ARPP21: variants seen among roughly 807,000 people sequenced by gnomAD.
The protein encoded by ARPP21 is cAMP-regulated phosphoprotein 21.
In ARPP21, 69 loss-of-function variants were observed where a neutral mutation model predicts 113.2. The observed-to-expected ratio is 0.61, with a 90% CI of 0.50 to 0.74. The LOEUF (loss-of-function observed/expected upper bound fraction) is 0.74. Among genes scored for constraint, ARPP21 ranks in the 30% least tolerant of loss-of-function variants. The probability of loss-of-function intolerance (pLI) is 0.00; values close to 1 mark genes in which losing one functional copy is unlikely to be tolerated. For missense variants in ARPP21, 1,070 were observed against 1,037.4 expected (o/e 1.03, Z -0.43); for synonymous variants, 368 against 375.5 (o/e 0.98, Z 0.23).
intron 13 of ARPP21, among the ~76,000 whole-genome samples, chr3:35,718,844 A>G (rs2092747183): frequency 6.6e-6 from 1 of 151,714 alleles, no homozygotes; most frequent in Non-Finnish European, 1.5e-5. Context: ...CTCCAATGAC[A>G]GATATCTCAT....
chr3:35,749,838 A>G (rs929200276), intron 19 of ARPP21, among the ~76,000 whole-genome samples: 1 of 152,106 alleles, frequency 6.6e-6, no homozygotes, highest in African/African-American at 2.4e-5. Flanking sequence ...GGCTGAATTT[A>G]AGAGTATAAA....
intron 19 of ARPP21, among the ~76,000 whole-genome samples, chr3:35,761,567 AAAAC>A (rs1198609787): frequency 6.6e-6 from 1 of 152,106 alleles, no homozygotes; most frequent in Non-Finnish European, 1.5e-5. Context: ...TGTTGCTAAA[AAAAC>A]AAACAAACAA....
chr3:35,700,376 T>A (rs550595752), intron 9 of ARPP21, among the ~76,000 whole-genome samples: 109 of 151,852 alleles, frequency 7.2e-4, no homozygotes, highest in Middle Eastern at 3.4e-3. Flanking sequence ...TTATGCCCAT[T>A]TTATATAAAG....
chr3:35,683,478 A>G (rs1355198959), intron 4 of ARPP21, among the ~76,000 whole-genome samples: 1 of 150,998 alleles, frequency 6.6e-6, no homozygotes, highest in Non-Finnish European at 1.5e-5. Flanking sequence ...AATGTGATGC[A>G]CACAATTTAC....
chr3:35,680,171 A>C (rs892398643), intron 2 of ARPP21, among the ~76,000 whole-genome samples: 8 of 151,856 alleles, frequency 5.3e-5, no homozygotes, highest in Admixed American at 3.3e-4. Flanking sequence ...TAAATACTCT[A>C]AAAAACAAGT....
At chr3:35,782,250 C>G (rs374492310) in intron 19 of ARPP21, among the ~76,000 whole-genome samples, 3 of 152,222 alleles carry the variant, frequency 2.0e-5, no homozygotes, top group East Asian at 3.9e-4. Flanking sequence ...TCCTATCAAC[C>G]GATCCTGTCA....
At chr3:35,711,869 G>A (rs1001360692) in intron 11 of ARPP21, among the ~76,000 whole-genome samples, 2 of 152,190 alleles carry the variant, frequency 1.3e-5, no homozygotes, top group African/African-American at 4.8e-5. Context: ...GCCCAAGATG[G>A]AAGAAGCCAC....
At position 35,790,317 on chromosome 3, in the gene ARPP21, G is replaced by T. The variant is rs188434091; in HGVS notation, c.2138-2065G>T. Among the ~76,000 whole-genome samples the T allele has an allele frequency of 5.3e-5, 8 of 152,234 alleles. No homozygotes were observed. The East Asian group carries it at 1.5e-3, about 29-fold the overall frequency. On this transcript the variant is annotated intron_variant, in intron 19 of 20. Coordinates refer to ENST00000684406, the MANE Select transcript of ARPP21 (RefSeq NM_001385562.1). ...AACTAAATCAGAAGGAAATCTGTTG[G>T]TTATAAGTTTTCTATGATCATCCCA...
chr3:35,738,774 T>G (rs1450982655), intron 17 of ARPP21, among the ~76,000 whole-genome samples: 1 of 152,170 alleles, frequency 6.6e-6, no homozygotes, highest in African/African-American at 2.4e-5. Context: ...AGCAACAGCT[T>G]AAAGGATGAA....
Position 35,695,281 on chromosome 3 carries a change from T to C in ARPP21, c.686+4276T>C, listed in dbSNP as rs867403333. On this transcript the variant is annotated intron_variant, in intron 9 of 20. Coordinates refer to ENST00000684406, the MANE Select transcript of ARPP21 (RefSeq NM_001385562.1). ...TTCCAGGTTTCTGTAAATTACCTGA[T>C]AAGAGCAGAGATGTTATGTTTTTGC... Among the ~76,000 whole-genome samples, 11 of 151,662 alleles carry C rather than the reference T, an allele frequency of 7.3e-5. No homozygotes were observed. The Middle Eastern group carries it at 0.01, about 141-fold the overall frequency.
Position 35,794,068 on chromosome 3 carries a change from G to C in ARPP21, c.*110G>C, listed in dbSNP as rs1243963679. 1.1e-6 allele frequency: 1 copy of C among 916,814 alleles called. No homozygotes were observed. The highest frequency in any genetic ancestry group is 2.4e-5 in the Admixed American group (1 of 42,392). The allele number at this position is 916,814 out of a possible 1,614,324, so 56.8% of individuals were successfully genotyped here. On this transcript the variant is annotated 3_prime_UTR_variant, in exon 21 of 21. Coordinates refer to ENST00000684406, the MANE Select transcript of ARPP21 (RefSeq NM_001385562.1). Reference sequence around the variant, plus strand: ...TTAAGTATTCACTCAACACTCAAATGATTGCTGCTGGTATTCTGTAAAAAA... The same window carrying C: ...TTAAGTATTCACTCAACACTCAAATCATTGCTGCTGGTATTCTGTAAAAAA...
At chr3:35,707,132 G>A in intron 10 of ARPP21, 50 bp downstream of exon 10, 2 of 1,386,600 alleles carry the variant, frequency 1.4e-6, no homozygotes, top group Non-Finnish European at 1.0e-6. Flanking sequence ...TTGAAGGTGG[G>A]CTGACTGATG....
At chr3:35,747,480 A>G (rs545730124) in intron 19 of ARPP21, among the ~76,000 whole-genome samples, 34 of 152,326 alleles carry the variant, frequency 2.2e-4, no homozygotes, top group African/African-American at 8.2e-4. Context: ...AAAACCTTCA[A>G]TTTACAAATA....
chr3:35,753,965 G>GT lies in ARPP21; in HGVS notation c.2137+10017dup, dbSNP rs10706706. ...TGTAATTGTCAATGTAATTGAGAAG[G>GT]TTTTTTTTTTTTTTTTTCAAATATC... On this transcript the variant is annotated intron_variant, in intron 19 of 20. Transcript: ENST00000684406. Among the ~76,000 whole-genome samples, 526 of 132,026 alleles carry GT rather than the reference G, an allele frequency of 4.0e-3. 2 individuals are homozygous for GT. Among genetic ancestry groups the GT allele is most frequent in the Middle Eastern group, 0.02 (5 of 256 alleles). 86.6% of individuals were successfully genotyped at this position (132,026 alleles called of 152,430 possible).
chr3:35,658,250 A>G (rs1705944987), intron 1 of ARPP21, among the ~76,000 whole-genome samples: 1 of 152,090 alleles, frequency 6.6e-6, no homozygotes, highest in African/African-American at 2.4e-5. Context: ...ATTTTTATGC[A>G]GTTTGACTTT....
chr3:35,663,042 A>G (rs188329247), intron 1 of ARPP21, among the ~76,000 whole-genome samples: 3 of 152,212 alleles, frequency 2.0e-5, no homozygotes, highest in Admixed American at 2.0e-4. Context: ...ACAAAAAGAT[A>G]CTGTACTCAG....
At position 35,739,508 on chromosome 3, in the gene ARPP21, C is replaced by T; in HGVS notation, c.1941C>T (p.Pro647=). 3.1e-6 allele frequency: 5 copies of T among 1,614,140 alleles called. No individual in the cohort carries two copies. The highest frequency in any genetic ancestry group is 4.2e-6 in the Non-Finnish European group (5 of 1,180,028). The change falls in exon 18 of 21, where the codon CCC becomes CCT. Residue 647 remains proline, a synonymous_variant. Transcript: ENST00000684406. ...PTGGFSGSGP[P]ISQQVLQPPP... Reference sequence around the variant, plus strand: ...GAGGATTCTCAGGCTCTGGCCCTCCCATCTCCCAGCAGGTCCTCCAGCCCC... The same window carrying T: ...GAGGATTCTCAGGCTCTGGCCCTCCTATCTCCCAGCAGGTCCTCCAGCCCC...
intron 5 of ARPP21, chr3:35,684,152 A>C: frequency 1.4e-6 from 2 of 1,418,398 alleles, no homozygotes; most frequent in Non-Finnish European, 1.9e-6. Context: ...ATATAATCCC[A>C]AGTATCCTCT....
intron 1 of ARPP21, among the ~76,000 whole-genome samples, chr3:35,663,239 G>A (rs1229389467): frequency 6.6e-6 from 1 of 151,998 alleles, no homozygotes; most frequent in East Asian, 1.9e-4. Context: ...TGCTGCTAGG[G>A]AGAAAAGGCT....
Sources: gnomAD v4.1 joint callset for allele counts (sites outside exome capture counted in the v4.1 genomes callset) on GRCh38, gnomAD v4.1.1 for gene constraint, MANE v1.5 for transcripts, NCBI Gene and HGNC (gene_info 2026-07-23, HGNC 2026-07-21) for gene names.